The following LARGE1 variants were observed in gnomAD, a reference collection of about 807,000 sequenced individuals.
The protein encoded by LARGE1 is LARGE xylosyl- and glucuronyltransferase 1, also known as xylosyl- and glucuronyltransferase LARGE1.
LARGE1 carries 43 observed loss-of-function variants against 87.6 expected under a neutral mutation model. The observed-to-expected ratio is 0.49, with a 90% CI of 0.38 to 0.63. The LOEUF (loss-of-function observed/expected upper bound fraction) is 0.63, where lower values mean the gene tolerates loss of function less well. LARGE1 is among the 30% of genes least tolerant of loss of function. The pLI, the probability that LARGE1 is intolerant of heterozygous loss-of-function variation, is 0.00. For synonymous variants in LARGE1, 434 were observed against 394.6 expected, an observed-to-expected ratio of 1.10 and a Z score of -1.18; for missense variants, 802 against 1,000.2, an observed-to-expected ratio of 0.80 and a Z score of 2.67.
chr22:33,120,362 CTTTCTTTCTT>C, the LARGE1 span, among the ~76,000 whole-genome samples: 2 of 83,040 alleles, frequency 2.4e-5, no homozygotes, highest in African/African-American at 5.8e-5. Context: ...CTTTCTTTTT[CTTTCTTTCTT>C]TCTTTCTTTC....
At chr22:33,516,237 A>C (rs961370630) in intron 6 of LARGE1, among the ~76,000 whole-genome samples, 1 of 152,254 alleles carries the variant, frequency 6.6e-6, no homozygotes, top group East Asian at 1.9e-4. Context: ...GGAAACAGTA[A>C]GCACAAAGCA....
intron 7 of LARGE1, among the ~76,000 whole-genome samples, chr22:33,401,084 G>A (rs1202359970): frequency 1.3e-5 from 2 of 152,100 alleles, no homozygotes; most frequent in African/African-American, 4.8e-5. Flanking sequence ...TCTCGCATGT[G>A]GGTGGGCAAC....
the LARGE1 span, among the ~76,000 whole-genome samples, chr22:33,094,045 C>T: frequency 6.6e-6 from 1 of 151,850 alleles, no homozygotes; most frequent in African/African-American, 2.4e-5. Context: ...AGCCACCTTG[C>T]CCGGCTATTC....
chr22:33,346,366 G>A (rs865775989), intron 9 of LARGE1, among the ~76,000 whole-genome samples: 1 of 150,066 alleles, frequency 6.7e-6, no homozygotes, highest in Non-Finnish European at 1.5e-5. Context: ...GCAATGATGC[G>A]ATCTCAGCTC....
At chr22:33,526,936 C>T (rs1359313946) in intron 6 of LARGE1, among the ~76,000 whole-genome samples, 1 of 152,148 alleles carries the variant, frequency 6.6e-6, no homozygotes, top group Non-Finnish European at 1.5e-5. Context: ...GAAGACAGCA[C>T]CTGCGTTACC....
chr22:33,826,900 ATCTCAC>A (rs1220616419), intron 1 of LARGE1, among the ~76,000 whole-genome samples: 2 of 152,138 alleles, frequency 1.3e-5, no homozygotes, highest in African/African-American at 4.8e-5. Flanking sequence ...GTCAACACCC[ATCTCAC>A]CCTAGAATAT....
At chr22:33,612,480 G>T (rs926649389) in intron 4 of LARGE1, among the ~76,000 whole-genome samples, 7 of 152,198 alleles carry the variant, frequency 4.6e-5, no homozygotes, top group African/African-American at 1.4e-4. Context: ...ACTTGAATAT[G>T]TGCAGATTCT....
chr22:33,196,272 G>A (rs137427), intron 11 of LARGE1, among the ~76,000 whole-genome samples: 95,332 of 151,882 alleles, frequency 0.63, 30,399 homozygotes, highest in African/African-American at 0.71. Flanking sequence ...CTAGGCAATA[G>A]AAGACAAAAG....
chr22:33,758,473 A>G (rs1038611636), intron 2 of LARGE1, among the ~76,000 whole-genome samples: 4 of 152,204 alleles, frequency 2.6e-5, no homozygotes, highest in Non-Finnish European at 4.4e-5. Context: ...ACATGCCCAC[A>G]TCACCCAGCC....
At chr22:33,276,027 T>G (rs541621182) in intron 14 of LARGE1, among the ~76,000 whole-genome samples, 39 of 152,208 alleles carry the variant, frequency 2.6e-4, no homozygotes, top group Non-Finnish European at 4.6e-4. Flanking sequence ...CTAACGCCTC[T>G]CAATCACCTG....
chr22:33,126,556 T>C, the LARGE1 span, among the ~76,000 whole-genome samples: 1 of 152,226 alleles, frequency 6.6e-6, no homozygotes, highest in Non-Finnish European at 1.5e-5. Context: ...AGGTGGTATA[T>C]TGAAGAGATC....
chr22:33,276,031 T>A (rs1053379941), intron 14 of LARGE1, among the ~76,000 whole-genome samples: 1 of 152,158 alleles, frequency 6.6e-6, no homozygotes, highest in East Asian at 1.9e-4. Context: ...CGCCTCTCAA[T>A]CACCTGGGGC....
intron 1 of LARGE1, among the ~76,000 whole-genome samples, chr22:33,867,685 G>A (rs1357474223): frequency 6.6e-6 from 1 of 152,292 alleles, no homozygotes; most frequent in South Asian, 2.1e-4. Flanking sequence ...GATCTACTTC[G>A]CACCAGCAGG....
chr22:33,642,710 C>CAAAAA (rs60815644), intron 3 of LARGE1, among the ~76,000 whole-genome samples: 229 of 17,346 alleles, frequency 0.013, 79 homozygotes, highest in African/African-American at 0.054. Context: ...AAATGGAAAG[C>CAAAAA]AAAAAAAAAA....
intron 9 of LARGE1, among the ~76,000 whole-genome samples, chr22:33,355,021 T>G (rs1393314054): frequency 6.6e-6 from 1 of 152,240 alleles, no homozygotes; most frequent in African/African-American, 2.4e-5. Context: ...TTTTCTGTTT[T>G]ATAGTGTATT....
intron 2 of LARGE1, among the ~76,000 whole-genome samples, chr22:33,687,082 G>T (rs1054697680): frequency 1.3e-5 from 2 of 151,502 alleles, no homozygotes; most frequent in African/African-American, 2.4e-5. Context: ...TGCACTGGCT[G>T]CTCCTTCCAT....
chr22:33,169,832 T>C (rs563805038), intron 11 of LARGE1, among the ~76,000 whole-genome samples: 126 of 151,390 alleles, frequency 8.3e-4, no homozygotes, highest in Non-Finnish European at 1.6e-3. Context: ...GCCTGGGTGA[T>C]AGAGCAAGAC....
In LARGE1 at chr22:33,493,751, A is replaced by T. The variant is rs961260890; in HGVS notation, c.788-61486T>A. Among the ~76,000 whole-genome samples the T allele has an allele frequency of 1.3e-4, 20 of 152,286 alleles. No homozygotes were observed. In the South Asian group the frequency reaches 2.3e-3, roughly 17 times the overall value. On this transcript the variant is annotated intron_variant, in intron 6 of 14. Coordinates refer to ENST00000397394, the MANE Select transcript of LARGE1 (RefSeq NM_133642.5). ...TGTCTTGGGGCTGGGATTCACAGCC[A>T]CACAGCTGCACTCAAGATCCTTTAT...
chr22:33,664,253 A>G (rs1827506841), intron 2 of LARGE1, among the ~76,000 whole-genome samples: 1 of 152,090 alleles, frequency 6.6e-6, no homozygotes. Flanking sequence ...CATCCAAACC[A>G]CAGCCTTGGA....
Sources: allele counts gnomAD v4.1 joint callset (sites outside exome capture counted in the v4.1 genomes callset), GRCh38; gene constraint gnomAD v4.1.1; transcripts MANE v1.5; gene names NCBI Gene and HGNC (gene_info 2026-07-23, HGNC 2026-07-21).